The following MARCHF1 variants were observed in gnomAD, a reference collection of about 807,000 sequenced individuals.
MARCHF1 encodes the protein E3 ubiquitin-protein ligase MARCHF1.
Under a neutral mutation model 54.2 loss-of-function variants are expected in MARCHF1, and 40 were observed. The ratio of observed to expected loss-of-function variants is 0.74; its 90% CI spans 0.57 to 0.96. MARCHF1 has a LOEUF of 0.96. MARCHF1 is among the 40% of genes least tolerant of loss of function. The probability of loss-of-function intolerance (pLI) is 0.00; values close to 1 mark genes in which losing one functional copy is unlikely to be tolerated. For missense variants in MARCHF1, 586 were observed against 656.5 expected, an observed-to-expected ratio of 0.89 and a Z score of 1.17; for synonymous variants, 236 against 236.3, an observed-to-expected ratio of 1.00 and a Z score of 0.01.
chr4:164,165,048 G>A (rs1199265763), intron 1 of MARCHF1, among the ~76,000 whole-genome samples: 2 of 151,884 alleles, frequency 1.3e-5, no homozygotes, highest in Non-Finnish European at 2.9e-5. Context: ...CTACAGAAGG[G>A]GATCAGATAC....
At chr4:163,922,297 G>A (rs1751448707) in intron 3 of MARCHF1, among the ~76,000 whole-genome samples, 1 of 151,902 alleles carries the variant, frequency 6.6e-6, no homozygotes, top group African/African-American at 2.4e-5. Flanking sequence ...ACACCAGCAT[G>A]GTACATGTAT....
intron 4 of MARCHF1, among the ~76,000 whole-genome samples, chr4:163,806,602 G>C (rs923974689): frequency 1.3e-5 from 2 of 152,094 alleles, no homozygotes; most frequent in Admixed American, 1.3e-4. Flanking sequence ...TATTTTATTG[G>C]GGAGGGGTTT....
chr4:164,181,076 C>A (rs1418497985), intron 1 of MARCHF1, among the ~76,000 whole-genome samples: 1 of 152,156 alleles, frequency 6.6e-6, no homozygotes, highest in East Asian at 1.9e-4. Flanking sequence ...AAAACAAAAT[C>A]TTAGTAGGTC....
chr4:163,718,368 C>T (rs1745331021), intron 4 of MARCHF1, among the ~76,000 whole-genome samples: 2 of 152,170 alleles, frequency 1.3e-5, no homozygotes, highest in South Asian at 4.1e-4. Flanking sequence ...GAACAGGCAA[C>T]CTACAGAATG....
At chr4:163,576,635 G>T (rs1740046788) in intron 8 of MARCHF1, among the ~76,000 whole-genome samples, 1 of 151,834 alleles carries the variant, frequency 6.6e-6, no homozygotes, top group Non-Finnish European at 1.5e-5. Context: ...TTGTCAGTGG[G>T]GTGTTGCCCA....
At chr4:163,918,195 A>G (rs1216633121) in intron 3 of MARCHF1, among the ~76,000 whole-genome samples, 1 of 152,114 alleles carries the variant, frequency 6.6e-6, no homozygotes, top group Non-Finnish European at 1.5e-5. Context: ...TGAAGATCAC[A>G]TGGTTGTAGA....
chr4:163,930,010 A>G (rs1186133106), intron 3 of MARCHF1, among the ~76,000 whole-genome samples: 2 of 135,070 alleles, frequency 1.5e-5, no homozygotes, highest in Non-Finnish European at 3.1e-5. Context: ...ATATATAAAT[A>G]TATTATATAT....
intron 5 of MARCHF1, among the ~76,000 whole-genome samples, chr4:163,639,151 G>C (rs1381648614): frequency 1.3e-5 from 2 of 152,088 alleles, no homozygotes; most frequent in African/African-American, 4.8e-5. Flanking sequence ...AACTGTAACT[G>C]GTTAAGATGG....
At chr4:163,993,137 T>C (rs944718123) in intron 2 of MARCHF1, among the ~76,000 whole-genome samples, 1 of 152,124 alleles carries the variant, frequency 6.6e-6, no homozygotes, top group African/African-American at 2.4e-5. Context: ...TATGTATTAA[T>C]TGGAGAGTTA....
chr4:163,899,172 C>A (rs1750882180), intron 3 of MARCHF1, among the ~76,000 whole-genome samples: 1 of 152,136 alleles, frequency 6.6e-6, no homozygotes, highest in African/African-American at 2.4e-5. Flanking sequence ...GAATCCAAAA[C>A]AAAATACAAA....
chr4:163,811,493 A>G (rs1748386618), intron 4 of MARCHF1, among the ~76,000 whole-genome samples: 1 of 152,112 alleles, frequency 6.6e-6, no homozygotes, highest in East Asian at 1.9e-4. Context: ...GTGAGAAAGA[A>G]AAGAAAGGAA....
chr4:163,852,005 T>C (rs1749654567), intron 4 of MARCHF1, among the ~76,000 whole-genome samples: 1 of 152,212 alleles, frequency 6.6e-6, no homozygotes, highest in Non-Finnish European at 1.5e-5. Flanking sequence ...TGTTAAAGTG[T>C]ATAGAGGTTA....
intron 8 of MARCHF1, among the ~76,000 whole-genome samples, chr4:163,577,324 T>A (rs1205946333): frequency 1.3e-5 from 2 of 152,086 alleles, no homozygotes; most frequent in Non-Finnish European, 2.9e-5. Flanking sequence ...ATTTTATTTG[T>A]CCTTTGCTTG....
intron 9 of MARCHF1, among the ~76,000 whole-genome samples, chr4:163,545,258 C>T (rs988841233): frequency 3.9e-5 from 6 of 152,278 alleles, no homozygotes; most frequent in African/African-American, 1.4e-4. Flanking sequence ...GAGAAACCTT[C>T]ATTTTTACAG....
At chr4:163,932,582 G>C in intron 3 of MARCHF1, 1 of 379,288 alleles carries the variant, frequency 2.6e-6, no homozygotes, top group Non-Finnish European at 5.2e-6. Flanking sequence ...ATGATGACAT[G>C]GGTACCTGCA....
chr4:164,045,295 T>C (rs1285553157), intron 2 of MARCHF1, among the ~76,000 whole-genome samples: 2 of 151,936 alleles, frequency 1.3e-5, no homozygotes, highest in Non-Finnish European at 2.9e-5. Context: ...ATGGATCACT[T>C]GAGGTTAGGA....
chr4:163,781,484 G>C (rs943969165), intron 4 of MARCHF1, among the ~76,000 whole-genome samples: 1 of 152,230 alleles, frequency 6.6e-6, no homozygotes, highest in South Asian at 2.1e-4. Context: ...CTCTTGATAA[G>C]TGACATGGAA....
chr4:163,597,682 T>G (rs999768452), intron 7 of MARCHF1, among the ~76,000 whole-genome samples: 3 of 152,254 alleles, frequency 2.0e-5, no homozygotes, highest in South Asian at 4.1e-4. Flanking sequence ...CTACTTCACT[T>G]TTTTTCTCAT....
intron 3 of MARCHF1, among the ~76,000 whole-genome samples, chr4:163,889,751 A>G (rs1483776729): frequency 1.3e-5 from 2 of 151,890 alleles, no homozygotes; most frequent in Non-Finnish European, 2.9e-5. Flanking sequence ...TTTACTCCTT[A>G]GCTGGTGGCT....
Sources: gnomAD v4.1 joint callset for allele counts (sites outside exome capture counted in the v4.1 genomes callset) on GRCh38, gnomAD v4.1.1 for gene constraint, MANE v1.5 for transcripts, NCBI Gene and HGNC (gene_info 2026-07-23, HGNC 2026-07-21) for gene names.